OTOGL: variants seen among roughly 807,000 people sequenced by gnomAD.
OTOGL encodes the protein otogelin-like protein.
OTOGL carries 285 observed loss-of-function variants against 318.5 expected under a neutral mutation model. The ratio of observed to expected loss-of-function variants is 0.89; its 90% CI spans 0.81 to 0.99. OTOGL has a LOEUF of 0.99. Ranked by LOEUF, OTOGL falls within the 50% of genes least tolerant of loss-of-function variation. The pLI is 0.00. For synonymous variants in OTOGL, 987 were observed against 936.5 expected (o/e 1.05, Z -0.99); for missense variants, 2,899 against 2,845.6 (o/e 1.02, Z -0.43).
chr12:80,138,028 T>C (rs1349602364), intron 1 of OTOGL, among the ~76,000 whole-genome samples: 1 of 152,142 alleles, frequency 6.6e-6, no homozygotes, highest in Admixed American at 6.5e-5. Context: ...AGTATTATGG[T>C]TTATAAATAA....
At chr12:80,138,269 A>G (rs1361380961) in intron 1 of OTOGL, among the ~76,000 whole-genome samples, 2 of 152,094 alleles carry the variant, frequency 1.3e-5, no homozygotes, top group Non-Finnish European at 2.9e-5. Context: ...AAAAGTTCCA[A>G]TTGGTTGATA....
rs527873185 is a variant in OTOGL at position 80,306,869 on chromosome 12, G to C, written c.3333+1174G>C. Among the ~76,000 whole-genome samples, 348 of 150,160 alleles carry C rather than the reference G, an allele frequency of 2.3e-3. 1 individual carries two copies. The highest frequency in any genetic ancestry group is 7.8e-3 in the African/African-American group (317 of 40,398). On this transcript the variant is annotated intron_variant, in intron 29 of 58. Transcript: ENST00000547103. ...TTTCTCGCAGAGGGGGATTTGGCAG[G>C]ATCACAGGACAATAGTGGAGGGAAG...
chr12:80,302,525 C>T, intron 27 of OTOGL, 109 bp from the exon 28 acceptor site: 1 of 708,114 alleles, frequency 1.4e-6, no homozygotes. Flanking sequence ...GACCATGCAA[C>T]AATATTAGTA....
chr12:80,359,373 G>A (rs963950072), intron 52 of OTOGL, among the ~76,000 whole-genome samples: 1 of 152,084 alleles, frequency 6.6e-6, no homozygotes, highest in Admixed American at 6.5e-5. Context: ...GGATAACTCT[G>A]GTGTCACTTA....
At chr12:80,101,938 G>A (rs1420905007) in intron 1 of OTOGL, among the ~76,000 whole-genome samples, 2 of 152,160 alleles carry the variant, frequency 1.3e-5, no homozygotes, top group South Asian at 2.1e-4. Flanking sequence ...TTTTTATTCC[G>A]GAGAAAGAGT....
intron 14 of OTOGL, among the ~76,000 whole-genome samples, chr12:80,253,791 A>G (rs1448108204): frequency 1.3e-5 from 2 of 152,238 alleles, no homozygotes; most frequent in East Asian, 1.9e-4. Context: ...ATAACATCTT[A>G]TATCCACATA....
At position 80,356,508 on chromosome 12, in the gene OTOGL, C is replaced by T. The variant is rs1244715172; in HGVS notation, c.5899C>T (p.Gln1967Ter). 6.2e-7 allele frequency: 1 copy of T among 1,604,952 alleles called. No individual in the cohort carries two copies. Among genetic ancestry groups the T allele is most frequent in the Non-Finnish European group, 8.5e-7 (1 of 1,173,544 alleles). ...CCACAGTCCTCTTTCTTGCTGTCCACAGTACAAATGTGGTAAGTAATCAAT... is the reference window on the plus strand; with the variant it reads ...CCACAGTCCTCTTTCTTGCTGTCCATAGTACAAATGTGGTAAGTAATCAAT... Reference protein sequence around the residue: ...VGHSPLSCCPQYKCECDPLKC... With the variant: ...VGHSPLSCCP Residue 1967 changes from glutamine to a stop codon, truncating the protein, a stop_gained, in exon 48 of 59, where the codon CAG (glutamine) becomes TAG (stop). Transcript: ENST00000547103. LOFTEE classifies it high-confidence loss of function.
Position 80,266,529 on chromosome 12 carries a change from C to T in OTOGL, c.2303C>T (p.Pro768Leu), listed in dbSNP as rs540809976. 77 of 1,613,140 alleles carry T rather than the reference C, an allele frequency of 4.8e-5. No homozygotes were observed. The highest frequency in any genetic ancestry group is 3.5e-4 in the African/African-American group (26 of 74,870). The change falls in exon 21 of 59, where the codon CCG becomes CTG. Residue 768 changes from proline (P) to leucine (L), a missense_variant. Pro to Leu is a moderately conservative substitution (Grantham distance 98, BLOSUM62 -3). Transcript: ENST00000547103. ...CATTCCTGCATTTCTCTCTCTTCCCCGGAGCAGTGCAGTGATGACTGTGCT... is the reference window on the plus strand; with the variant it reads ...CATTCCTGCATTTCTCTCTCTTCCCTGGAGCAGTGCAGTGATGACTGTGCT... ...CLHSCISLSSPEQCSDDCAEG... is the reference protein window; with the variant it reads ...CLHSCISLSSLEQCSDDCAEG...
chr12:80,241,651 T>C (rs975040658), intron 11 of OTOGL, among the ~76,000 whole-genome samples: 1 of 152,170 alleles, frequency 6.6e-6, no homozygotes, highest in South Asian at 2.1e-4. Flanking sequence ...TAAAATATTG[T>C]TTTGTAGGTC....
At chr12:80,294,652 C>A (rs189955713) in intron 26 of OTOGL, among the ~76,000 whole-genome samples, 56 of 152,230 alleles carry the variant, frequency 3.7e-4, no homozygotes, top group African/African-American at 1.3e-3. Flanking sequence ...TCCATCTATA[C>A]CATTCATTAA....
At chr12:80,308,342 G>A (rs1255299814) in intron 29 of OTOGL, among the ~76,000 whole-genome samples, 4 of 150,998 alleles carry the variant, frequency 2.6e-5, no homozygotes, top group Non-Finnish European at 4.4e-5. Flanking sequence ...GGGCGTCCGG[G>A]CAGAGACGCT....
Position 80,267,409 on chromosome 12 carries a change from T to TATATA in OTOGL, c.2465+82_2465+83insATATA, listed in dbSNP as rs1565942599. 1.9e-5 allele frequency: 11 copies of TATATA among 570,144 alleles called. No individual in the cohort carries two copies. The East Asian group carries it at 5.2e-4, about 27-fold the overall frequency. The allele number at this position is 570,144 out of a possible 1,614,324, so 35.3% of individuals were successfully genotyped here. A position where few individuals can be genotyped will look rare whatever the true frequency, so the allele number is the denominator to read the frequency against. ...CTTTCTTTTATATATATATATATAT[T>TATATA]TTTTTATTATACTTTAAGTTCTAGG... On this transcript the variant is annotated intron_variant, in intron 22 of 58. Transcript: ENST00000547103.
In OTOGL at chr12:80,336,969, A is replaced by G; in HGVS notation, c.4825A>G (p.Ile1609Val). 1 of 1,593,572 alleles carries G rather than the reference A, an allele frequency of 6.3e-7. No individual in the cohort carries two copies. Among genetic ancestry groups the G allele is most frequent in the Non-Finnish European group, 8.6e-7 (1 of 1,168,582 alleles). The change falls in exon 42 of 59, where the codon ATA (isoleucine) becomes GTA (valine). Residue 1609 changes from isoleucine to valine, a missense_variant. This residue lies in a region of OTOGL where 2,607 missense variants were observed against 2,524.9 expected (regional missense o/e 1.03). Coordinates refer to ENST00000547103, the MANE Select transcript of OTOGL (RefSeq NM_001378609.3). ...CFKKLNVTTP[I>V]HKIIVNRLAR... ...TAAGAAGTTAAATGTGACAACACCC[A>G]TACATAAAATAATTGTCAATCGGTT...
At chr12:80,266,205 T>C (rs1882949481) in intron 20 of OTOGL, 4 of 480,310 alleles carry the variant, frequency 8.3e-6, no homozygotes, top group Non-Finnish European at 1.5e-5. Context: ...AAGCTGAAAA[T>C]ATTTACCATT....
At chr12:80,207,244 C>T (rs541522907) in intron 1 of OTOGL, among the ~76,000 whole-genome samples, 18 of 152,064 alleles carry the variant, frequency 1.2e-4, no homozygotes, top group African/African-American at 4.3e-4. Flanking sequence ...TCTTGTTGCC[C>T]AGGCTGGAGT....
chr12:80,344,143 C>T (rs1304954829), intron 44 of OTOGL, among the ~76,000 whole-genome samples: 1 of 152,166 alleles, frequency 6.6e-6, no homozygotes, highest in Non-Finnish European at 1.5e-5. Flanking sequence ...TAAATGTTCA[C>T]ATTTTTAAAA....
chr12:80,273,488 G>A (rs1883567080), intron 24 of OTOGL, among the ~76,000 whole-genome samples: 3 of 152,054 alleles, frequency 2.0e-5, no homozygotes, highest in African/African-American at 4.8e-5. Flanking sequence ...CTCCTTATAA[G>A]CCGAAGTACC....
rs570735942 is a variant in OTOGL at position 80,206,430 on chromosome 12, G to A, written c.-19-2983G>A. ...TACTATGAGCCTGGATGGAAGAGGA[G>A]CAGAGAGAAGACATACACCAAAGCT... On this transcript the variant is annotated intron_variant, in intron 1 of 58. Transcript: ENST00000547103. Among the ~76,000 whole-genome samples, 4 of 152,282 alleles carry A rather than the reference G, an allele frequency of 2.6e-5. No individual in the cohort carries two copies. The South Asian group carries it at 8.3e-4, about 32-fold the overall frequency.
intron 44 of OTOGL, among the ~76,000 whole-genome samples, chr12:80,346,857 G>A (rs1889229506): frequency 6.6e-6 from 1 of 152,176 alleles, no homozygotes; most frequent in African/African-American, 2.4e-5. Flanking sequence ...AAGGGAGGGT[G>A]AGCATTTGTA....
Sources: gnomAD v4.1 joint callset for allele counts (sites outside exome capture counted in the v4.1 genomes callset) on GRCh38, gnomAD v4.1.1 for gene constraint, gnomAD v4.1.1 regional missense constraint, MANE v1.5 for transcripts, NCBI Gene and HGNC (gene_info 2026-07-23, HGNC 2026-07-21) for gene names.